PRKCE: variants seen among roughly 807,000 people sequenced by gnomAD.
PRKCE encodes the protein protein kinase C epsilon.
A neutral mutation model predicts 85.4 loss-of-function variants in PRKCE; 16 were observed. That is an observed-to-expected ratio of 0.19 (90% CI 0.13 to 0.28). The LOEUF (loss-of-function observed/expected upper bound fraction) is 0.28, where lower values mean the gene tolerates loss of function less well. Ranked by LOEUF, PRKCE falls within the 10% of genes least tolerant of loss-of-function variation. PRKCE has a pLI of 1.00. For missense variants in PRKCE, 573 were observed against 975.2 expected (o/e 0.59, Z 5.49); for synonymous variants, 388 against 371.5 (o/e 1.04, Z -0.51).
At chr2:45,807,865 C>G (rs997935291) in intron 1 of PRKCE, among the ~76,000 whole-genome samples, 7 of 152,000 alleles carry the variant, frequency 4.6e-5, no homozygotes, top group African/African-American at 1.7e-4. Flanking sequence ...CTGCCCCACC[C>G]GATTTCTACT....
At chr2:45,810,762 A>G (rs1688600746) in intron 1 of PRKCE, among the ~76,000 whole-genome samples, 1 of 152,180 alleles carries the variant, frequency 6.6e-6, no homozygotes, top group Non-Finnish European at 1.5e-5. Flanking sequence ...ATTTTTTATT[A>G]TTTTGTAGAG....
At chr2:45,870,148 C>T (rs1270858266) in intron 2 of PRKCE, among the ~76,000 whole-genome samples, 1 of 152,190 alleles carries the variant, frequency 6.6e-6, no homozygotes, top group Non-Finnish European at 1.5e-5. Flanking sequence ...AAGGGCTCCT[C>T]ACATCTGAGT....
intron 11 of PRKCE, among the ~76,000 whole-genome samples, chr2:46,112,978 CAT>C (rs1484693904): frequency 6.6e-6 from 1 of 152,154 alleles, no homozygotes; most frequent in Non-Finnish European, 1.5e-5. Context: ...GAATCTATAA[CAT>C]ATTGTCATAG....
rs903992786 is a variant in PRKCE at position 45,912,897 on chromosome 2, A to C, written c.413-63532A>C. On this transcript the variant is annotated intron_variant, in intron 2 of 14. Coordinates refer to ENST00000306156, the MANE Select transcript of PRKCE (RefSeq NM_005400.3). ...CAACCCACGCCAGAGCCCAGAATGA[A>C]GTCCTGATGGAGTTCAAGCCCATAC... Among the ~76,000 whole-genome samples the C allele has an allele frequency of 6.6e-5, 10 of 152,154 alleles. 1 individual carries two copies. Among genetic ancestry groups the C allele is most frequent in the Non-Finnish European group, 1.5e-4 (10 of 68,026 alleles).
intron 1 of PRKCE, among the ~76,000 whole-genome samples, chr2:45,708,685 A>G (rs1263808323): frequency 6.6e-6 from 1 of 152,212 alleles, no homozygotes; most frequent in Non-Finnish European, 1.5e-5. Flanking sequence ...AAAACGGACT[A>G]ATACACCAGG....
chr2:46,154,891 G>C lies in PRKCE; in HGVS notation c.1920+3662G>C, dbSNP rs541382031. ...ATTTCCTTCCACAAGACTGAGCTTC[G>C]TGAGGGCAGGAACGTTTTCCAGCTT... is the stretch of plus-strand genomic sequence containing the variant. On this transcript the variant is annotated intron_variant, in intron 13 of 14. Coordinates refer to ENST00000306156, the MANE Select transcript of PRKCE (RefSeq NM_005400.3). 2.0e-5 allele frequency among the ~76,000 whole-genome samples: 3 copies of C among 152,136 alleles called. No individual in the cohort carries two copies. The East Asian group carries it at 5.8e-4, about 29-fold the overall frequency.
chr2:45,888,362 C>G (rs770493432), intron 2 of PRKCE, among the ~76,000 whole-genome samples: 2 of 151,848 alleles, frequency 1.3e-5, no homozygotes, highest in African/African-American at 2.4e-5. Context: ...TGTTGTGAAT[C>G]TCTAGATGTG....
chr2:45,666,569 C>T (rs867332443), intron 1 of PRKCE, among the ~76,000 whole-genome samples: 5 of 151,940 alleles, frequency 3.3e-5, no homozygotes, highest in African/African-American at 7.3e-5. Context: ...TATCCCCATC[C>T]CTGGGATACT....
chr2:46,023,869 C>G (rs1706885891), intron 10 of PRKCE, among the ~76,000 whole-genome samples: 1 of 138,406 alleles, frequency 7.2e-6, no homozygotes, highest in African/African-American at 3.0e-5. Flanking sequence ...ATCTTTGGCT[C>G]AATAACAAAA....
intron 2 of PRKCE, among the ~76,000 whole-genome samples, chr2:45,931,153 G>A (rs1699015713): frequency 6.6e-6 from 1 of 152,190 alleles, no homozygotes; most frequent in African/African-American, 2.4e-5. Flanking sequence ...CCTCTGGATT[G>A]ATATTTTAGT....
At chr2:45,667,310 C>CA (rs929054740) in intron 1 of PRKCE, among the ~76,000 whole-genome samples, 2 of 151,444 alleles carry the variant, frequency 1.3e-5, no homozygotes, top group Admixed American at 6.6e-5. Context: ...GACTCTGTCT[C>CA]AAAAAAAAAT....
At chr2:46,083,933 A>T (rs1319656731) in intron 10 of PRKCE, among the ~76,000 whole-genome samples, 1 of 152,144 alleles carries the variant, frequency 6.6e-6, no homozygotes, top group African/African-American at 2.4e-5. Context: ...GTGCTTCTCA[A>T]CCCTGGCCGC....
intron 11 of PRKCE, among the ~76,000 whole-genome samples, chr2:46,131,781 G>C (rs975490640): frequency 6.6e-6 from 1 of 152,196 alleles, no homozygotes; most frequent in Admixed American, 6.5e-5. Flanking sequence ...ATGTCTCCCA[G>C]TGTCACTCCA....
chr2:46,001,586 G>A lies in PRKCE; in HGVS notation c.966+40G>A. On this transcript the variant is annotated intron_variant, in intron 7 of 14. Coordinates refer to ENST00000306156, the MANE Select transcript of PRKCE (RefSeq NM_005400.3). This position sits in a 1 kb window ranked among gnomAD's most constrained non-coding sequence, Gnocchi z 4.4. ...GGTGGTGTTGCTGGAGCCCTTTTCAGGCTAGCATTTCTGTGCTGACTTCCA... is the reference window on the plus strand; with the variant it reads ...GGTGGTGTTGCTGGAGCCCTTTTCAAGCTAGCATTTCTGTGCTGACTTCCA... The A allele has an allele frequency of 6.3e-7, 1 of 1,583,438 alleles. No homozygotes were observed. The highest frequency in any genetic ancestry group is 1.1e-5 in the South Asian group (1 of 89,164).
intron 1 of PRKCE, among the ~76,000 whole-genome samples, chr2:45,766,567 G>A (rs1684927560): frequency 6.6e-6 from 1 of 152,222 alleles, no homozygotes; most frequent in East Asian, 1.9e-4. Flanking sequence ...GTAAGACAAA[G>A]GAAGAACCTG....
intron 11 of PRKCE, among the ~76,000 whole-genome samples, chr2:46,144,001 C>G (rs950066424): frequency 4.6e-5 from 7 of 152,216 alleles, no homozygotes; most frequent in Non-Finnish European, 8.8e-5. Context: ...CAAGACCCTT[C>G]ACCCTGCATC....
chr2:45,777,901 AAAGGT>A (rs1685874565), intron 1 of PRKCE, among the ~76,000 whole-genome samples: 2 of 152,124 alleles, frequency 1.3e-5, no homozygotes, highest in Non-Finnish European at 2.9e-5. Context: ...ACACCACACC[AAAGGT>A]TCTTGAGATG....
rs1340290376 is a variant in PRKCE at position 45,792,730 on chromosome 2, T to C, written c.349-50270T>C. Among the ~76,000 whole-genome samples the C allele has an allele frequency of 2.6e-5, 4 of 152,272 alleles. No homozygotes were observed. In the East Asian group the frequency reaches 7.7e-4, roughly 29 times the overall value. ...TTCAAGGACTGGTTGTAGGATTAAA[T>C]GAGATAATGCTTATTGTAAAAGTGC... On this transcript the variant is annotated intron_variant, in intron 1 of 14. Coordinates refer to ENST00000306156, the MANE Select transcript of PRKCE (RefSeq NM_005400.3).
chr2:46,167,252 C>T (rs1341738076), intron 14 of PRKCE, among the ~76,000 whole-genome samples: 1 of 152,156 alleles, frequency 6.6e-6, no homozygotes, highest in Non-Finnish European at 1.5e-5. Flanking sequence ...CTCTCTGAGC[C>T]TCGGTCTGCT....
Sources: gnomAD v4.1 joint callset for allele counts (sites outside exome capture counted in the v4.1 genomes callset) on GRCh38, gnomAD v4.1.1 for gene constraint, Gnocchi (gnomAD v3.1) non-coding constraint, MANE v1.5 for transcripts, NCBI Gene and HGNC (gene_info 2026-07-23, HGNC 2026-07-21) for gene names.